Variants in C7orf33 observed in about 807,000 individuals in gnomAD.
C7orf33 encodes the protein chromosome 7 open reading frame 33, also known as uncharacterized protein C7orf33.
C7orf33 carries 15 observed loss-of-function variants against 13.4 expected under a neutral mutation model. That is an observed-to-expected ratio of 1.12 (90% CI 0.75 to 1.72). C7orf33 has a LOEUF of 1.72. Ranked by LOEUF, C7orf33 falls within the 40% of genes most tolerant of loss-of-function variation. The pLI, the probability that C7orf33 is intolerant of heterozygous loss-of-function variation, is 0.00. For missense variants in C7orf33, 187 were observed against 220.3 expected (o/e 0.85, Z 0.96); for synonymous variants, 73 against 83.2 (o/e 0.88, Z 0.67).
At chr7:148,594,749 G>T (rs952641609) in intron 1 of C7orf33, among the ~76,000 whole-genome samples, 1 of 152,056 alleles carries the variant, frequency 6.6e-6, no homozygotes, top group Non-Finnish European at 1.5e-5. Context: ...TTTGAATTTG[G>T]GAATATATTC....
At chr7:148,598,538 T>G (rs1796369311) in intron 1 of C7orf33, among the ~76,000 whole-genome samples, 1 of 151,630 alleles carries the variant, frequency 6.6e-6, no homozygotes, top group African/African-American at 2.4e-5. Flanking sequence ...CAGCTAAACT[T>G]GACGTTATGT....
At chr7:148,606,332 A>G (rs1008935754) in intron 1 of C7orf33, among the ~76,000 whole-genome samples, 2 of 152,218 alleles carry the variant, frequency 1.3e-5, no homozygotes, top group Non-Finnish European at 2.9e-5. Flanking sequence ...CTGTTTCTCA[A>G]CATTAGAATT....
At chr7:148,602,457 C>T (rs909993428) in intron 1 of C7orf33, among the ~76,000 whole-genome samples, 2 of 151,918 alleles carry the variant, frequency 1.3e-5, no homozygotes, top group Admixed American at 6.6e-5. Context: ...ACTAGCCAGG[C>T]GTGGTGGTGC....
chr7:148,611,239 A>T (rs1410934093), intron 1 of C7orf33, among the ~76,000 whole-genome samples: 1 of 152,164 alleles, frequency 6.6e-6, no homozygotes, highest in Non-Finnish European at 1.5e-5. Flanking sequence ...AGCCTGTGCC[A>T]CAGATCTAAG....
intron 1 of C7orf33, among the ~76,000 whole-genome samples, chr7:148,604,120 C>CTTTTTTTTTTTTTTTTTTTTTT (rs397686514): frequency 7.1e-6 from 1 of 141,648 alleles, no homozygotes. Flanking sequence ...GACCATTATT[C>CTTTTTTTTTTTTTTTTTTTTTT]TTTTTTTTTT....
At chr7:148,615,014 G>A (rs1314848043) in intron 2 of C7orf33, among the ~76,000 whole-genome samples, 1 of 152,180 alleles carries the variant, frequency 6.6e-6, no homozygotes, top group East Asian at 1.9e-4. Flanking sequence ...TTAGGAACTG[G>A]TGGGAGCTGG....
At chr7:148,604,635 A>G (rs942086713) in intron 1 of C7orf33, among the ~76,000 whole-genome samples, 8 of 152,244 alleles carry the variant, frequency 5.3e-5, no homozygotes, top group African/African-American at 1.9e-4. Flanking sequence ...TGGGTCCACC[A>G]GAATCTCAGA....
At chr7:148,604,922 A>C (rs1036321648) in intron 1 of C7orf33, among the ~76,000 whole-genome samples, 1 of 152,202 alleles carries the variant, frequency 6.6e-6, no homozygotes, top group Non-Finnish European at 1.5e-5. Flanking sequence ...ACATACAAAA[A>C]AACATGAATA....
intron 1 of C7orf33, among the ~76,000 whole-genome samples, chr7:148,597,739 GTTTTGTTTTGT>G (rs1171881334): frequency 1.4e-5 from 2 of 144,182 alleles, no homozygotes; most frequent in African/African-American, 5.6e-5. Context: ...CATTTGTTTT[GTTTTGTTTTGT>G]TTTGTTTTGT....
At chr7:148,594,142 C>A (rs1193966160) in intron 1 of C7orf33, among the ~76,000 whole-genome samples, 1 of 151,324 alleles carries the variant, frequency 6.6e-6, no homozygotes, top group African/African-American at 2.4e-5. Flanking sequence ...GTACAGCCTG[C>A]AGAACCATGA....
chr7:148,601,474 TA>T (rs200509778), intron 1 of C7orf33, among the ~76,000 whole-genome samples: 15,225 of 151,850 alleles, frequency 0.1, 1,019 homozygotes, highest in East Asian at 0.32. Flanking sequence ...GCCTCCCAAG[TA>T]GCTAGGACTT....
intron 1 of C7orf33, among the ~76,000 whole-genome samples, chr7:148,599,343 A>G (rs1796387840): frequency 6.6e-6 from 1 of 152,180 alleles, no homozygotes; most frequent in Non-Finnish European, 1.5e-5. Context: ...CCCCTGAACA[A>G]TATGTCTAAA....
Position 148,607,172 on chromosome 7 carries a change from A to G in C7orf33, c.205-6870A>G, listed in dbSNP as rs59801674. 8.8e-3 allele frequency among the ~76,000 whole-genome samples: 1,336 copies of G among 152,210 alleles called. 17 individuals are homozygous for G. The highest frequency in any genetic ancestry group is 0.031 in the African/African-American group (1,277 of 41,546). The stretch of plus-strand genomic sequence containing the variant: ...AAAGGACTTTGGGTCTCTAGAGGGG[A>G]CTTCTCTGCGGGGAAGCAAGTAACC... On this transcript the variant is annotated intron_variant, in intron 1 of 2. Transcript: ENST00000307003.
At chr7:148,609,884 G>A (rs1020860795) in intron 1 of C7orf33, among the ~76,000 whole-genome samples, 1 of 152,128 alleles carries the variant, frequency 6.6e-6, no homozygotes, top group Non-Finnish European at 1.5e-5. Context: ...CACCTGGAGG[G>A]GGAGTCTTCG....
intron 1 of C7orf33, among the ~76,000 whole-genome samples, chr7:148,605,362 T>G (rs191433520): frequency 2.6e-5 from 4 of 152,154 alleles, no homozygotes; most frequent in African/African-American, 7.2e-5. Context: ...CCTTCTATGC[T>G]CAGCTTTGTG....
chr7:148,600,675 A>G (rs1433932011), intron 1 of C7orf33, among the ~76,000 whole-genome samples: 1 of 151,172 alleles, frequency 6.6e-6, no homozygotes, highest in Non-Finnish European at 1.5e-5. Context: ...TATTTTGCCT[A>G]TATGCATCTT....
chr7:148,613,742 G>A (rs144583141), intron 1 of C7orf33, among the ~76,000 whole-genome samples: 4 of 152,306 alleles, frequency 2.6e-5, no homozygotes, highest in African/African-American at 7.2e-5. Context: ...CAGTGGTGAC[G>A]GTTGCACATT....
chr7:148,593,958 C>T (rs1796299121), intron 1 of C7orf33, among the ~76,000 whole-genome samples: 1 of 152,068 alleles, frequency 6.6e-6, no homozygotes, highest in South Asian at 2.1e-4. Flanking sequence ...TTGGTGCTGT[C>T]CTTGCGATAG....
chr7:148,615,457 C>A lies in C7orf33; in HGVS notation c.*56C>A. On this transcript the variant is annotated 3_prime_UTR_variant, in exon 3 of 3. Coordinates refer to ENST00000307003, the MANE Select transcript of C7orf33 (RefSeq NM_145304.4). ...TAAATTTGTGTAGATTGTGAAATCT[C>A]TTCTTGCAAGAAAAAAGAGAAATAG... 9.1e-7 allele frequency: 1 copy of A among 1,097,414 alleles called. No individual in the cohort carries two copies. The highest frequency in any genetic ancestry group is 1.3e-5 in the South Asian group (1 of 78,144). The allele number at this position is 1,097,414 out of a possible 1,614,324, so 68.0% of individuals were successfully genotyped here.
Sources: allele counts gnomAD v4.1 joint callset (sites outside exome capture counted in the v4.1 genomes callset), GRCh38; gene constraint gnomAD v4.1.1; transcripts MANE v1.5; gene names NCBI Gene and HGNC (gene_info 2026-07-23, HGNC 2026-07-21).